The following GPC3 variants were observed in gnomAD, a reference collection of about 807,000 sequenced individuals.
The protein encoded by GPC3 is glypican 3.
A neutral mutation model predicts 34.4 loss-of-function variants in GPC3; 3 were observed. That is an observed-to-expected ratio of 0.09 (90% CI 0.04 to 0.23). The LOEUF (loss-of-function observed/expected upper bound fraction) is 0.23. Among genes scored for constraint, GPC3 ranks in the 10% least tolerant of loss-of-function variants. The pLI, the probability that GPC3 is intolerant of heterozygous loss-of-function variation, is 1.00. For synonymous variants in GPC3, 177 were observed against 174.0 expected, an observed-to-expected ratio of 1.02 and a Z score of -0.13; for missense variants, 351 against 445.6, an observed-to-expected ratio of 0.79 and a Z score of 1.91.
At chrX:133,749,238 G>A (rs979004417) in intron 3 of GPC3, among the ~76,000 whole-genome samples, 15 of 112,262 alleles carry the variant, frequency 1.3e-4, no homozygotes, top group African/African-American at 4.8e-4. Context: ...TCCAGCCTGG[G>A]TGACAGAGTG....
Position 133,953,157 on chromosome X carries a change from A to G in GPC3, c.230T>C (p.Met77Thr). The change falls in exon 2 of 8, where the codon ATG (methionine) becomes ACG (threonine). Residue 77 changes from methionine (M) to threonine (T), a missense_variant. Coordinates refer to ENST00000370818, the MANE Select transcript of GPC3 (RefSeq NM_004484.4). ...PKGPTCCSRK[M>T]EEKYQLTARL... Reference sequence around the variant, plus strand: ...TGCTGTTAGTTGGTATTTTTCTTCCATCTTTCTTGAGCAGCATGTTGGGCC... The same window carrying G: ...TGCTGTTAGTTGGTATTTTTCTTCCGTCTTTCTTGAGCAGCATGTTGGGCC... 1 of 1,207,886 alleles carries G rather than the reference A, an allele frequency of 8.3e-7. No individual in the cohort carries two copies. Among genetic ancestry groups the G allele is most frequent in the Non-Finnish European group, 1.1e-6 (1 of 892,620 alleles).
chrX:133,919,478 C>T (rs779554977), intron 2 of GPC3, among the ~76,000 whole-genome samples: 4 of 111,324 alleles, frequency 3.6e-5, no homozygotes, highest in Admixed American at 1.9e-4. Context: ...ATAGCTACCA[C>T]GTTAAGGAAT....
intron 1 of GPC3, among the ~76,000 whole-genome samples, chrX:133,984,641 C>G (rs1312184514): frequency 9.0e-6 from 1 of 111,553 alleles, no homozygotes; most frequent in Non-Finnish European, 1.9e-5. Context: ...AGCGATTTCG[C>G]TAACCTATAT....
At chrX:133,696,873 T>C (rs974483435) in intron 4 of GPC3, among the ~76,000 whole-genome samples, 2 of 112,757 alleles carry the variant, frequency 1.8e-5, no homozygotes, top group African/African-American at 6.4e-5. Context: ...AACATTTGCT[T>C]ACGACAGCCT....
chrX:133,942,853 C>A (rs1246047029), intron 2 of GPC3, among the ~76,000 whole-genome samples: 1 of 111,479 alleles, frequency 9.0e-6, no homozygotes, highest in Non-Finnish European at 1.9e-5. Context: ...TTCTAATGAA[C>A]CTATGATTAT....
intron 7 of GPC3, among the ~76,000 whole-genome samples, chrX:133,581,681 C>T (rs1005978998): frequency 1.8e-5 from 2 of 111,935 alleles, no homozygotes; most frequent in Non-Finnish European, 1.9e-5. Context: ...GAGTTATGAT[C>T]GATGAGCAAG....
At chrX:133,899,361 C>T (rs953452389) in intron 2 of GPC3, among the ~76,000 whole-genome samples, 4 of 111,362 alleles carry the variant, frequency 3.6e-5, no homozygotes, top group Non-Finnish European at 7.5e-5. Flanking sequence ...TACCTTCCTC[C>T]GGACATCTCC....
At chrX:133,722,534 G>A (rs145867188) in intron 3 of GPC3, among the ~76,000 whole-genome samples, 1,512 of 111,993 alleles carry the variant, frequency 0.014, 26 homozygotes, top group African/African-American at 0.044. Flanking sequence ...AACATATGTC[G>A]TTTTCATAAT....
chrX:133,907,218 A>T (rs1335742810), intron 2 of GPC3, among the ~76,000 whole-genome samples: 1 of 112,092 alleles, frequency 8.9e-6, no homozygotes, highest in Non-Finnish European at 1.9e-5. Context: ...AATTAAAATT[A>T]ATTTCAATTA....
At chrX:133,821,542 C>CAT (rs1333121513) in intron 2 of GPC3, among the ~76,000 whole-genome samples, 2 of 111,839 alleles carry the variant, frequency 1.8e-5, no homozygotes, top group African/African-American at 6.5e-5. Flanking sequence ...TATAGAGATA[C>CAT]ATATATATTC....
intron 3 of GPC3, among the ~76,000 whole-genome samples, chrX:133,740,531 T>A (rs761268248): frequency 2.7e-5 from 3 of 112,336 alleles, no homozygotes; most frequent in Non-Finnish European, 5.6e-5. Context: ...CACAATTTTT[T>A]AAAAAAATAT....
intron 2 of GPC3, among the ~76,000 whole-genome samples, chrX:133,922,680 G>A (rs1335724055): frequency 2.0e-5 from 2 of 101,375 alleles, no homozygotes; most frequent in East Asian, 6.2e-4. Context: ...CTTGCCCCCC[G>A]CCCCCAGAAG....
At chrX:133,728,993 CT>C (rs768561213) in intron 3 of GPC3, among the ~76,000 whole-genome samples, 244 of 111,320 alleles carry the variant, frequency 2.2e-3, no homozygotes, top group African/African-American at 7.2e-3. Flanking sequence ...ACTCCCAAAC[CT>C]TTTGTTTTCT....
At chrX:133,880,481 T>C (rs2076036929) in intron 2 of GPC3, among the ~76,000 whole-genome samples, 1 of 112,103 alleles carries the variant, frequency 8.9e-6, no homozygotes, top group Non-Finnish European at 1.9e-5. Context: ...TTCAGCTACA[T>C]ACACTGAAGA....
chrX:133,628,822 C>T (rs1350729154), intron 6 of GPC3, among the ~76,000 whole-genome samples: 1 of 111,086 alleles, frequency 9.0e-6, no homozygotes, highest in Non-Finnish European at 1.9e-5. Flanking sequence ...CTATTTCCTG[C>T]TTGCAACTTA....
At chrX:133,838,551 G>A (rs1484904825) in intron 2 of GPC3, among the ~76,000 whole-genome samples, 3 of 112,422 alleles carry the variant, frequency 2.7e-5, no homozygotes, top group African/African-American at 9.7e-5. Context: ...GATCTGCAGG[G>A]TATCAATGGA....
At chrX:133,601,145 G>C (rs1180548750) in intron 6 of GPC3, among the ~76,000 whole-genome samples, 1 of 111,623 alleles carries the variant, frequency 9.0e-6, no homozygotes, top group Non-Finnish European at 1.9e-5. Context: ...CTCTGTTTTA[G>C]CCACTGAGAC....
In GPC3 at chrX:133,843,668, C is replaced by A. The variant is rs749509086; in HGVS notation, c.338-89492G>T. On this transcript the variant is annotated intron_variant, in intron 2 of 7. Coordinates refer to ENST00000370818, the MANE Select transcript of GPC3 (RefSeq NM_004484.4). ...TTCCCAAATTCATAACCCACAGAGA[C>A]CATGAGAGATAATAAATTATTATTG... Among the ~76,000 whole-genome samples, 3 of 111,309 alleles carry A rather than the reference C, an allele frequency of 2.7e-5. No individual in the cohort carries two copies. In the East Asian group the frequency reaches 8.5e-4, roughly 31 times the overall value.
chrX:133,643,521 A>T (rs1227835697), intron 6 of GPC3, among the ~76,000 whole-genome samples: 1 of 111,941 alleles, frequency 8.9e-6, no homozygotes, highest in Middle Eastern at 4.2e-3. Context: ...ATTTGGGCAG[A>T]GTACAGAGAG....
Sources: allele counts gnomAD v4.1 joint callset (sites outside exome capture counted in the v4.1 genomes callset), GRCh38; gene constraint gnomAD v4.1.1; transcripts MANE v1.5; gene names NCBI Gene and HGNC (gene_info 2026-07-23, HGNC 2026-07-21).